Variants in TDRP observed in about 807,000 individuals in gnomAD.
TDRP encodes the protein testis development-related protein.
A neutral mutation model predicts 10.5 loss-of-function variants in TDRP; 12 were observed. The observed-to-expected ratio is 1.15, with a 90% CI of 0.73 to 1.86. TDRP has a LOEUF of 1.86. Ranked by LOEUF, TDRP falls within the 40% of genes most tolerant of loss-of-function variation. The pLI is 0.00. For synonymous variants in TDRP, 139 were observed against 95.4 expected, an observed-to-expected ratio of 1.46 and a Z score of -2.67; for missense variants, 353 against 229.2, an observed-to-expected ratio of 1.54 and a Z score of -3.49.
At chr8:539,645 T>C (rs1802438686) in intron 1 of TDRP, among the ~76,000 whole-genome samples, 1 of 152,194 alleles carries the variant, frequency 6.6e-6, no homozygotes, top group African/African-American at 2.4e-5. Context: ...CGGAAAACAG[T>C]AACAAAATGT....
intron 1 of TDRP, among the ~76,000 whole-genome samples, chr8:498,751 T>C (rs60082523): frequency 1.3e-5 from 2 of 152,280 alleles, no homozygotes; most frequent in East Asian, 1.9e-4. Flanking sequence ...TGTGTCAAAC[T>C]ATAATCCCCA....
chr8:540,086 T>G (rs1802453025), intron 1 of TDRP, among the ~76,000 whole-genome samples: 1 of 152,260 alleles, frequency 6.6e-6, no homozygotes. Context: ...ACTGTCCATG[T>G]CAGACCCATC....
intron 1 of TDRP, among the ~76,000 whole-genome samples, chr8:509,303 C>T (rs1801548338): frequency 6.6e-6 from 1 of 152,234 alleles, no homozygotes. Context: ...TCCAACCCCA[C>T]ATTTCCCTTC....
Position 492,046 on chromosome 8 carries a change from T to C in TDRP, c.*353A>G. 3.5e-6 allele frequency: 4 copies of C among 1,128,580 alleles called. No individual in the cohort carries two copies. In the African/African-American group the frequency reaches 6.4e-5, roughly 18 times the overall value. The allele number at this position is 1,128,580 out of a possible 1,614,324, so 69.9% of individuals were successfully genotyped here. ...ATACAAGAAAAAGGTACGGAAGTTC[T>C]GAAACAGAACTACAACACAGAGCAG... On this transcript the variant is annotated 3_prime_UTR_variant, in exon 3 of 3. Coordinates refer to ENST00000324079, the MANE Select transcript of TDRP (RefSeq NM_001384899.1).
At chr8:510,721 G>T (rs1216380340) in intron 1 of TDRP, among the ~76,000 whole-genome samples, 1 of 152,192 alleles carries the variant, frequency 6.6e-6, no homozygotes, top group African/African-American at 2.4e-5. Flanking sequence ...CCCACCTTAT[G>T]AGAAACACTA....
chr8:519,545 A>C (rs1801843329), intron 1 of TDRP, among the ~76,000 whole-genome samples: 1 of 150,936 alleles, frequency 6.6e-6, no homozygotes, highest in Admixed American at 6.6e-5. Flanking sequence ...TCATCTCGTA[A>C]AACTCTATAT....
Position 537,632 on chromosome 8 carries a change from G to A in TDRP, c.108+7018C>T, listed in dbSNP as rs531806006. ...GTTTTTAGAAGTCTTCATTGGTCTT[G>A]TAAACAAGTAAGAATTCACCGGGGT... On this transcript the variant is annotated intron_variant, in intron 1 of 2. Coordinates refer to ENST00000324079, the MANE Select transcript of TDRP (RefSeq NM_001384899.1). Among the ~76,000 whole-genome samples, 55 of 152,290 alleles carry A rather than the reference G, an allele frequency of 3.6e-4. No individual in the cohort carries two copies. The South Asian group carries it at 0.01, about 29-fold the overall frequency.
At chr8:529,107 A>G (rs7008696) in intron 1 of TDRP, among the ~76,000 whole-genome samples, 101,322 of 151,852 alleles carry the variant, frequency 0.67, 34,144 homozygotes, top group Middle Eastern at 0.71. Context: ...TGATGAGATG[A>G]TGCCCACTCA....
At chr8:535,162 G>A (rs892456661) in intron 1 of TDRP, among the ~76,000 whole-genome samples, 1 of 152,104 alleles carries the variant, frequency 6.6e-6, no homozygotes, top group African/African-American at 2.4e-5. Context: ...TTAATATCTT[G>A]AAAAAAGCCA....
rs1403194274 is a variant in TDRP at position 491,575 on chromosome 8, G to C, written c.*824C>G. 1 of 1,490,406 alleles carries C rather than the reference G, an allele frequency of 6.7e-7. No homozygotes were observed. The highest frequency in any genetic ancestry group is 1.4e-5 in the African/African-American group (1 of 70,582). The allele number at this position is 1,490,406 out of a possible 1,614,324, so 92.3% of individuals were successfully genotyped here. ...AGCCTAATAAAAAAGAGGCACTTCA[G>C]TATTTTATGCACAGTCTTAACTCTC... On this transcript the variant is annotated 3_prime_UTR_variant, in exon 3 of 3. Transcript: ENST00000324079.
At chr8:502,048 C>G (rs928231527) in intron 1 of TDRP, among the ~76,000 whole-genome samples, 1 of 152,198 alleles carries the variant, frequency 6.6e-6, no homozygotes, top group Non-Finnish European at 1.5e-5. Context: ...CCCCAGGCCT[C>G]TTCTTGGCAT....
rs921214687 is a variant in TDRP, at chr8:491,327, A to C, written c.*1072T>G. The C allele has an allele frequency of 4.5e-5, 15 of 333,132 alleles. No individual in the cohort carries two copies. Among genetic ancestry groups the C allele is most frequent in the African/African-American group, 2.3e-4 (11 of 47,268 alleles). The allele number at this position is 333,132 out of a possible 1,614,324, so 20.6% of individuals were successfully genotyped here. A position where few individuals can be genotyped will look rare whatever the true frequency, so the allele number is the denominator to read the frequency against. On this transcript the variant is annotated 3_prime_UTR_variant, in exon 3 of 3. Coordinates refer to ENST00000324079, the MANE Select transcript of TDRP (RefSeq NM_001384899.1). ...TTCTTTCAAACCACTTTTATCTAAGAGATATCTGCAGGACTTGCTGATAAG... is the reference window on the plus strand; with the variant it reads ...TTCTTTCAAACCACTTTTATCTAAGCGATATCTGCAGGACTTGCTGATAAG...
At chr8:509,382 G>T (rs1801550911) in intron 1 of TDRP, among the ~76,000 whole-genome samples, 1 of 152,190 alleles carries the variant, frequency 6.6e-6, no homozygotes, top group African/African-American at 2.4e-5. Context: ...TGGACATCCA[G>T]GTGTTTCCAT....
chr8:499,193 AAT>A (rs1048271889), intron 1 of TDRP, among the ~76,000 whole-genome samples: 151 of 152,152 alleles, frequency 9.9e-4, no homozygotes, highest in African/African-American at 3.4e-3. Flanking sequence ...ATGCCAAAAA[AAT>A]AGTCTCTAGT....
Position 492,406 on chromosome 8 carries a change from G to C in TDRP, c.551C>G (p.Ala184Gly). The stretch of plus-strand genomic sequence containing the variant: ...CTTGCCACGCAGCCCCCCTCACTCC[G>C]CCTCCTCCGGGCTATCTGTCAGGTG... The part of the protein sequence containing the change: ...KGHLTDSPEE[A>G]E Residue 184 changes from alanine to glycine, a missense_variant, in exon 3 of 3, where the codon GCG becomes GGG. By Grantham distance (60) the Ala-to-Gly change is moderately conservative. Transcript: ENST00000324079. The C allele has an allele frequency of 6.5e-7, 1 of 1,529,606 alleles. No homozygotes were observed. The highest frequency in any genetic ancestry group is 8.8e-7 in the Non-Finnish European group (1 of 1,135,690). 94.8% of individuals were successfully genotyped at this position (1,529,606 alleles called of 1,614,324 possible).
chr8:545,766 G>A (rs1276689243), upstream of TDRP: 1 of 151,984 alleles, frequency 6.6e-6, no homozygotes, highest in African/African-American at 2.4e-5. Context: ...GGGGCGCCGC[G>A]GGCTCGGCCC....
At chr8:511,465 C>G (rs1449009497) in intron 1 of TDRP, among the ~76,000 whole-genome samples, 1 of 151,906 alleles carries the variant, frequency 6.6e-6, no homozygotes, top group East Asian at 1.9e-4. Context: ...CAACAAAATA[C>G]AAGAAACAAA....
rs1405111941 is a variant in TDRP, at chr8:491,764, ACT to A, written c.*633_*634del. 1 of 1,395,424 alleles carries A rather than the reference ACT, an allele frequency of 7.2e-7. No homozygotes were observed. Among genetic ancestry groups the A allele is most frequent in the African/African-American group, 1.5e-5 (1 of 68,314 alleles). 86.4% of individuals were successfully genotyped at this position (1,395,424 alleles called of 1,614,324 possible). On this transcript the variant is annotated 3_prime_UTR_variant, in exon 3 of 3. Transcript: ENST00000324079. ...AAAAATAAAATTCCAAAAAAGAACC[ACT>A]GTTACTATCCAGTGGACATACAAGA...
chr8:514,601 G>C (rs1801705500), intron 1 of TDRP, among the ~76,000 whole-genome samples: 1 of 152,118 alleles, frequency 6.6e-6, no homozygotes, highest in South Asian at 2.1e-4. Context: ...GAAACACGAG[G>C]AACCATGTGG....
Sources: allele counts gnomAD v4.1 joint callset (sites outside exome capture counted in the v4.1 genomes callset), GRCh38; gene constraint gnomAD v4.1.1; transcripts MANE v1.5; gene names NCBI Gene and HGNC (gene_info 2026-07-23, HGNC 2026-07-21).